The following PCDH19 variants were observed in gnomAD, a reference collection of about 807,000 sequenced individuals.
PCDH19 encodes the protein protocadherin-19.
PCDH19 carries 6 observed loss-of-function variants against 46.2 expected under a neutral mutation model. That is an observed-to-expected ratio of 0.13 (90% confidence interval 0.07 to 0.26). The LOEUF is 0.26. Among genes scored for constraint, PCDH19 ranks in the 10% least tolerant of loss-of-function variants. The pLI, the probability that PCDH19 is intolerant of heterozygous loss-of-function variation, is 1.00. For synonymous variants in PCDH19, 481 were observed against 415.7 expected (o/e 1.16, Z -1.91); for missense variants, 740 against 972.3 (o/e 0.76, Z 3.18).
At chrX:100,333,174 G>GGAGAGA (rs1555976693) in intron 5 of PCDH19, among the ~76,000 whole-genome samples, 7 of 28,956 alleles carry the variant, frequency 2.4e-4, no homozygotes, top group African/African-American at 9.2e-4. Flanking sequence ...AGGAAGGAAG[G>GGAGAGA]GAGAGAGAGA....
chrX:100,298,081 C>T (rs1159458430), intron 5 of PCDH19, among the ~76,000 whole-genome samples: 1 of 110,612 alleles, frequency 9.0e-6, no homozygotes, highest in African/African-American at 3.3e-5. Context: ...AATTCAGAGT[C>T]TTACTTGGCA....
intron 5 of PCDH19, among the ~76,000 whole-genome samples, chrX:100,315,092 C>G (rs1925256856): frequency 8.9e-6 from 1 of 112,303 alleles, no homozygotes; most frequent in Admixed American, 9.4e-5. Flanking sequence ...TCCTCCTTCC[C>G]ACCAAAGAAC....
At chrX:100,387,271 C>T (rs1927743728) in intron 3 of PCDH19, among the ~76,000 whole-genome samples, 1 of 111,756 alleles carries the variant, frequency 8.9e-6, no homozygotes, top group Non-Finnish European at 1.9e-5. Context: ...TCAAATAAAT[C>T]TGCCTTTCAG....
rs145828693 is a variant in PCDH19, at chrX:100,339,469, C to T, written c.2848+2434G>A. On this transcript the variant is annotated intron_variant, in intron 5 of 5. Coordinates refer to ENST00000373034, the MANE Select transcript of PCDH19 (RefSeq NM_001184880.2). ...AAGATCAGGCATGCATGGTGGATCA[C>T]CCAGTGACTGCCTTTCAACCACTGT... 6.8e-3 allele frequency among the ~76,000 whole-genome samples: 760 copies of T among 112,517 alleles called. 4 individuals are homozygous for T. Among genetic ancestry groups the T allele is most frequent in the African/African-American group, 0.023 (710 of 30,975 alleles).
chrX:100,339,902 G>T (rs753417048), intron 5 of PCDH19, among the ~76,000 whole-genome samples: 2 of 112,207 alleles, frequency 1.8e-5, no homozygotes, highest in African/African-American at 6.5e-5. Flanking sequence ...AAATGGCCCA[G>T]CAGAAAGTGT....
chrX:100,355,062 T>G (rs1173133037), intron 3 of PCDH19, among the ~76,000 whole-genome samples: 1 of 111,901 alleles, frequency 8.9e-6, no homozygotes, highest in Non-Finnish European at 1.9e-5. Context: ...TTCTTTATCC[T>G]TGGGTATAAC....
At chrX:100,335,638 T>C (rs1926062678) in intron 5 of PCDH19, among the ~76,000 whole-genome samples, 2 of 111,976 alleles carry the variant, frequency 1.8e-5, no homozygotes, top group African/African-American at 6.5e-5. Context: ...ATTATTCATT[T>C]CATCATTGAG....
chrX:100,312,133 G>A (rs1453120392), intron 5 of PCDH19, among the ~76,000 whole-genome samples: 1 of 110,305 alleles, frequency 9.1e-6, no homozygotes, highest in African/African-American at 3.3e-5. Context: ...AGAGAGAAGA[G>A]AGAAAGAGAG....
intron 5 of PCDH19, among the ~76,000 whole-genome samples, chrX:100,333,183 G>GAGAAAGAAAGAA (rs755008766): frequency 6.2e-4 from 27 of 43,429 alleles, no homozygotes; most frequent in South Asian, 1.8e-3. Flanking sequence ...GGGAGAGAGA[G>GAGAAAGAAAGAA]AGAAAGAAAG....
chrX:100,303,925 A>G (rs1924863917), intron 5 of PCDH19, among the ~76,000 whole-genome samples: 1 of 112,503 alleles, frequency 8.9e-6, no homozygotes, highest in Non-Finnish European at 1.9e-5. Context: ...GTGTTACCTG[A>G]CAGATGCCAA....
At chrX:100,386,836 A>T (rs189023910) in intron 3 of PCDH19, among the ~76,000 whole-genome samples, 156 of 111,966 alleles carry the variant, frequency 1.4e-3, no homozygotes, top group African/African-American at 4.9e-3. Flanking sequence ...TAACATGAAA[A>T]CCTTATAATT....
chrX:100,362,947 C>T (rs1259327265), intron 3 of PCDH19, among the ~76,000 whole-genome samples: 1 of 111,442 alleles, frequency 9.0e-6, no homozygotes, highest in Non-Finnish European at 1.9e-5. Flanking sequence ...AAAGTTCTTA[C>T]TAGCTGTGTG....
rs1924436653 is a variant in PCDH19 at position 100,291,929 on chromosome X, T to G, written c.*4348A>C. The G allele has an allele frequency of 8.8e-6, 1 of 113,158 alleles. No homozygotes were observed. The allele number at this position is 113,158 out of a possible 1,213,427, so 9.3% of individuals were successfully genotyped here. On this transcript the variant is annotated 3_prime_UTR_variant, in exon 6 of 6. Coordinates refer to ENST00000373034, the MANE Select transcript of PCDH19 (RefSeq NM_001184880.2). ...ATACAACAATTTTATCTTCATATAA[T>G]CAGCAACAGAGACTGCTTAATGAGA... is the stretch of plus-strand genomic sequence containing the variant.
rs749714492 is a variant in PCDH19 at position 100,406,584 on chromosome X, T to C, written c.2014A>G (p.Met672Val). The stretch of plus-strand genomic sequence containing the variant: ...ATCAAGGACAAGTTCACAGAGCCCA[T>C]TGACTCTTGGGCATCGAGAGCAGGG... ...LSPALDAQES[M>V]GSVNLSLIFI... Residue 672 changes from methionine to valine, a missense_variant, in exon 1 of 6, where the codon ATG becomes GTG. Transcript: ENST00000373034. The C allele has an allele frequency of 5.0e-6, 6 of 1,209,663 alleles. No individual in the cohort carries two copies. In the African/African-American group the frequency reaches 5.2e-5, roughly 10 times the overall value.
intron 3 of PCDH19, among the ~76,000 whole-genome samples, chrX:100,388,513 T>C (rs1207048521): frequency 1.8e-5 from 2 of 110,986 alleles, no homozygotes; most frequent in Non-Finnish European, 3.8e-5. Flanking sequence ...ATATTTCCGA[T>C]GTTTTATCCT....
At position 100,371,341 on chromosome X, in the gene PCDH19, T is replaced by G. The variant is rs753898980; in HGVS notation, c.2617-20637A>C. Among the ~76,000 whole-genome samples the G allele has an allele frequency of 9.8e-5, 11 of 111,791 alleles. No homozygotes were observed. In the South Asian group the frequency reaches 4.2e-3, roughly 42 times the overall value. On this transcript the variant is annotated intron_variant, in intron 3 of 5. Transcript: ENST00000373034. ...CTACTTCCATCACACTTATCACAAT[T>G]GCAAGTAATTATCTGTGTAATTATT...
At chrX:100,339,748 A>G (rs760322359) in intron 5 of PCDH19, among the ~76,000 whole-genome samples, 1 of 111,869 alleles carries the variant, frequency 8.9e-6, no homozygotes, top group East Asian at 2.8e-4. Context: ...TTCTTTTTGT[A>G]CCTAAACTTT....
intron 3 of PCDH19, among the ~76,000 whole-genome samples, chrX:100,379,322 CACACACACACACACACACACACACA>C (rs1349588337): frequency 2.3e-4 from 1 of 4,345 alleles, no homozygotes; most frequent in African/African-American, 2.5e-4. Flanking sequence ...CACACACACA[CACACACACACACACACACACACACA>C]CATTTCCTCC....
intron 3 of PCDH19, among the ~76,000 whole-genome samples, chrX:100,383,702 C>A (rs371030152): frequency 2.7e-5 from 3 of 112,322 alleles, no homozygotes; most frequent in African/African-American, 9.7e-5. Context: ...AAAATCCCAA[C>A]ATAATCATTT....
Sources: allele counts gnomAD v4.1 joint callset (sites outside exome capture counted in the v4.1 genomes callset), GRCh38; gene constraint gnomAD v4.1.1; transcripts MANE v1.5; gene names NCBI Gene and HGNC (gene_info 2026-07-23, HGNC 2026-07-21).